GLIPR1: variants seen among roughly 807,000 people sequenced by gnomAD.
GLIPR1 encodes glioma pathogenesis-related protein 1.
GLIPR1 carries 38 observed loss-of-function variants against 30.3 expected under a neutral mutation model. The ratio of observed to expected loss-of-function variants is 1.26; its 90% confidence interval spans 0.97 to 1.65. GLIPR1 has a LOEUF of 1.65. GLIPR1 is among the 40% of genes most tolerant of loss of function. GLIPR1 has a pLI of 0.00. For synonymous variants in GLIPR1, 122 were observed against 110.6 expected (o/e 1.10, Z -0.65); for missense variants, 285 against 326.5 (o/e 0.87, Z 0.98).
Position 75,500,035 on chromosome 12 carries a change from T to C in GLIPR1, c.*1057T>C. 9.3e-7 allele frequency: 1 copy of C among 1,071,376 alleles called. No homozygotes were observed. The highest frequency in any genetic ancestry group is 1.3e-6 in the Non-Finnish European group (1 of 753,102). 66.4% of individuals were successfully genotyped at this position (1,071,376 alleles called of 1,614,324 possible). ...GAATATATGTTTAACAAAGAATATA[T>C]GTTTAAGGCAGTTAACTTCAGAGTA... is the stretch of plus-strand genomic sequence containing the variant. On this transcript the variant is annotated 3_prime_UTR_variant, in exon 6 of 6. Transcript: ENST00000266659.
In GLIPR1 at chr12:75,483,165, A is replaced by G. The variant is rs549332995; in HGVS notation, c.420+1086A>G. On this transcript the variant is annotated intron_variant, in intron 2 of 5. Transcript: ENST00000266659. The stretch of plus-strand genomic sequence containing the variant: ...AGTAAAATGAATTTCTCCTAAATTT[A>G]CTTCATAAACTAACAATTTTGGTTT... 3.6e-4 allele frequency among the ~76,000 whole-genome samples: 55 copies of G among 152,362 alleles called. 1 individual carries two copies. In the South Asian group the frequency reaches 0.011, roughly 30 times the overall value.
In GLIPR1 at chr12:75,502,477, C is replaced by T. The variant is rs892998998; in HGVS notation, c.*3499C>T. 6.5e-6 allele frequency: 1 copy of T among 153,724 alleles called. No individual in the cohort carries two copies. Among genetic ancestry groups the T allele is most frequent in the Admixed American group, 6.5e-5 (1 of 15,398 alleles). 9.5% of individuals were successfully genotyped at this position (153,724 alleles called of 1,614,324 possible). A position where few individuals can be genotyped will look rare whatever the true frequency, so the allele number is the denominator to read the frequency against. ...AGCCAGAACTATCAGGAATTGGTGA[C>T]TAATTAGCAAAAGCAACAGCTTGTT... On this transcript the variant is annotated 3_prime_UTR_variant, in exon 6 of 6. Transcript: ENST00000266659.
chr12:75,495,663 G>C lies in GLIPR1; in HGVS notation c.619+1G>C. On this transcript the variant is annotated splice_donor_variant, in intron 4 of 5. Transcript: ENST00000266659. LOFTEE classifies it high-confidence loss of function. ...GACAAGTGTTTGGACAATCTCTGTG[G>C]TGAGTAAAAGGAACAATACACCAAT... 1 of 1,566,704 alleles carries C rather than the reference G, an allele frequency of 6.4e-7. No individual in the cohort carries two copies. Among genetic ancestry groups the C allele is most frequent in the African/African-American group, 1.3e-5 (1 of 74,080 alleles).
intron 1 of GLIPR1, chr12:75,481,431 C>G (rs1288322475): frequency 9.3e-6 from 2 of 215,302 alleles, no homozygotes; most frequent in Admixed American, 5.5e-5. Context: ...CTCAGGTAGG[C>G]AGAATGGCAT....
At chr12:75,491,794 A>G (rs1253070353) in intron 3 of GLIPR1, 4 of 152,076 alleles carry the variant, frequency 2.6e-5, no homozygotes, top group African/African-American at 9.7e-5. Flanking sequence ...CTTATTTATA[A>G]AAGTTTTTAT....
Position 75,500,136 on chromosome 12 carries a change from C to T in GLIPR1, c.*1158C>T. On this transcript the variant is annotated 3_prime_UTR_variant, in exon 6 of 6. Transcript: ENST00000266659. The stretch of plus-strand genomic sequence containing the variant: ...ACTTGCCTAAAGCAGTTAGAAATTT[C>T]TTCAGATTAAGATAAAACAAATCAT... 2 of 438,552 alleles carry T rather than the reference C, an allele frequency of 4.6e-6. No homozygotes were observed. The highest frequency in any genetic ancestry group is 6.1e-4 in the Middle Eastern group (1 of 1,652). The allele number at this position is 438,552 out of a possible 1,614,324, so 27.2% of individuals were successfully genotyped here. A position where few individuals can be genotyped will look rare whatever the true frequency, so the allele number is the denominator to read the frequency against.
At chr12:75,485,523 G>A (rs2046289295) in intron 2 of GLIPR1, among the ~76,000 whole-genome samples, 1 of 121,896 alleles carries the variant, frequency 8.2e-6, no homozygotes, top group African/African-American at 2.9e-5. Flanking sequence ...TCACCCTCTT[G>A]ACAGCTTTAT....
rs2046265976 is a variant in GLIPR1 at position 75,480,769 on chromosome 12, C to G, written c.-112C>G. The G allele has an allele frequency of 2.8e-6, 2 of 705,648 alleles. No individual in the cohort carries two copies. The highest frequency in any genetic ancestry group is 3.6e-5 in the African/African-American group (2 of 56,042). 43.7% of individuals were successfully genotyped at this position (705,648 alleles called of 1,614,324 possible). A position where few individuals can be genotyped will look rare whatever the true frequency, so the allele number is the denominator to read the frequency against. ...CATGCTCTGTTCTGTTTTCTCAAAG[C>G]TGAAGTCGGCTAGGTTTGCAAAGCT... On this transcript the variant is annotated 5_prime_UTR_variant, in exon 1 of 6. Transcript: ENST00000266659.
chr12:75,503,403 A>G lies in GLIPR1; in HGVS notation c.*4425A>G, dbSNP rs1342190588. 1.3e-5 allele frequency: 2 copies of G among 152,174 alleles called. No homozygotes were observed. Among genetic ancestry groups the G allele is most frequent in the East Asian group, 3.8e-4 (2 of 5,198 alleles). 9.4% of individuals were successfully genotyped at this position (152,174 alleles called of 1,614,324 possible). ...TAGAGCTTTGCTGAGAAGGTGGGAC[A>G]GAAGTAAAAAGGGGCATGAATCAAA... On this transcript the variant is annotated 3_prime_UTR_variant, in exon 6 of 6. Transcript: ENST00000266659.
intron 2 of GLIPR1, among the ~76,000 whole-genome samples, chr12:75,488,579 A>G (rs1162182127): frequency 6.6e-6 from 1 of 152,134 alleles, no homozygotes; most frequent in African/African-American, 2.4e-5. Context: ...ACAAAAAAAC[A>G]CAACACCAAG....
At position 75,499,975 on chromosome 12, in the gene GLIPR1, C is replaced by A. The variant is rs768774833; in HGVS notation, c.*997C>A. On this transcript the variant is annotated 3_prime_UTR_variant, in exon 6 of 6. Coordinates refer to ENST00000266659, the MANE Select transcript of GLIPR1 (RefSeq NM_006851.3). Reference sequence around the variant, plus strand: ...AGCTAGACAAATTAAAAGCACAACACATGTAATACTTTAGATTTTACCAAG... The same window carrying A: ...AGCTAGACAAATTAAAAGCACAACAAATGTAATACTTTAGATTTTACCAAG... The A allele has an allele frequency of 2.6e-6, 4 of 1,558,972 alleles. No individual in the cohort carries two copies. The highest frequency in any genetic ancestry group is 8.7e-7 in the Non-Finnish European group (1 of 1,154,540).
At chr12:75,485,560 T>TATTTATTTATTTA (rs1318423246) in intron 2 of GLIPR1, among the ~76,000 whole-genome samples, 1 of 150,206 alleles carries the variant, frequency 6.7e-6, no homozygotes, top group Admixed American at 6.6e-5. Flanking sequence ...TTTATTTATT[T>TATTTATTTATTTA]ATTTTTTTGA....
chr12:75,481,148 T>A lies in GLIPR1; in HGVS notation c.174+94T>A. 1.0e-5 allele frequency: 9 copies of A among 873,184 alleles called. No homozygotes were observed. The South Asian group carries it at 1.6e-4, about 16-fold the overall frequency. 54.1% of individuals were successfully genotyped at this position (873,184 alleles called of 1,614,324 possible). On this transcript the variant is annotated intron_variant, in intron 1 of 5. Coordinates refer to ENST00000266659, the MANE Select transcript of GLIPR1 (RefSeq NM_006851.3). ...TAATACCTTCGTAATACTGAATGATTTTTTTTTCATTGTGATTAATGTATG... is the reference window on the plus strand; with the variant it reads ...TAATACCTTCGTAATACTGAATGATATTTTTTTCATTGTGATTAATGTATG...
intron 3 of GLIPR1, chr12:75,492,088 C>T (rs1402455932): frequency 5.0e-5 from 7 of 140,590 alleles, no homozygotes; most frequent in Non-Finnish European, 7.6e-5. Context: ...CTTTTCATGA[C>T]TTTTTTTTTT....
At chr12:75,491,899 C>A (rs1269599196) in intron 3 of GLIPR1, 1 of 152,034 alleles carries the variant, frequency 6.6e-6, no homozygotes, top group Admixed American at 6.6e-5. Context: ...TGAAAGAAAG[C>A]CATTTCCCTG....
intron 2 of GLIPR1, among the ~76,000 whole-genome samples, chr12:75,488,218 T>C (rs1467084843): frequency 6.6e-6 from 1 of 152,156 alleles, no homozygotes; most frequent in African/African-American, 2.4e-5. Context: ...GGTCTCAGCC[T>C]CATTTTACCC....
chr12:75,503,848 A>T lies in GLIPR1; in HGVS notation c.*4870A>T. 6.8e-7 allele frequency: 1 copy of T among 1,473,910 alleles called. No homozygotes were observed. The highest frequency in any genetic ancestry group is 9.2e-7 in the Non-Finnish European group (1 of 1,084,392). 91.3% of individuals were successfully genotyped at this position (1,473,910 alleles called of 1,614,324 possible). A position where few individuals can be genotyped will look rare whatever the true frequency, so the allele number is the denominator to read the frequency against. ...TGAAATACTTTCAATAAAGTTTCTGACCAAATACATTAAAATAGATTCTCC... is the reference window on the plus strand; with the variant it reads ...TGAAATACTTTCAATAAAGTTTCTGTCCAAATACATTAAAATAGATTCTCC... On this transcript the variant is annotated 3_prime_UTR_variant, in exon 6 of 6. Transcript: ENST00000266659.
chr12:75,496,260 C>G (rs529442853), intron 4 of GLIPR1: 1 of 152,140 alleles, frequency 6.6e-6, no homozygotes, highest in East Asian at 2.0e-4. Context: ...GAGGCTGAGG[C>G]AGGACAATCA....
chr12:75,480,862 G>C lies in GLIPR1; in HGVS notation c.-19G>C. ...CGGCTCTGGACTGCAGCCTCCCAAG[G>C]CTCCATGCCAGACAAAGCATGCGTG... On this transcript the variant is annotated 5_prime_UTR_variant, in exon 1 of 6. Transcript: ENST00000266659. 1 of 1,594,096 alleles carries C rather than the reference G, an allele frequency of 6.3e-7. No homozygotes were observed. Among genetic ancestry groups the C allele is most frequent in the Non-Finnish European group, 8.6e-7 (1 of 1,166,756 alleles).
Sources: allele counts gnomAD v4.1 joint callset (sites outside exome capture counted in the v4.1 genomes callset), GRCh38; gene constraint gnomAD v4.1.1; transcripts MANE v1.5; gene names NCBI Gene and HGNC (gene_info 2026-07-23, HGNC 2026-07-21).